OR5V1: variants seen among roughly 807,000 people sequenced by gnomAD.
OR5V1 encodes olfactory receptor family 5 subfamily V member 1.
For synonymous variants in OR5V1, 134 were observed against 143.2 expected, an observed-to-expected ratio of 0.94 and a Z score of 0.46; for missense variants, 365 against 371.5, an observed-to-expected ratio of 0.98 and a Z score of 0.14.
chr6:29,367,813 A>T (rs1778926142), intron 1 of OR5V1, among the ~76,000 whole-genome samples: 1 of 152,208 alleles, frequency 6.6e-6, no homozygotes, highest in Admixed American at 6.5e-5. Flanking sequence ...AAGCACAAGT[A>T]TTTCACACAG....
At position 29,355,857 on chromosome 6, in the gene OR5V1, G is replaced by T; in HGVS notation, c.339C>A (p.Leu113=). The stretch of plus-strand genomic sequence containing the variant: ...GATCATATGCCATTGCTGCCAGTAG[G>T]AGACACTCTGATCCTACAAAGAAAA... ...AFVFFVGSEC[L]LLAAMAYDRY... is the part of the protein sequence containing the mutation. Residue 113 remains leucine, a synonymous_variant, in exon 2 of 2, where the codon CTC becomes CTA. Coordinates refer to ENST00000641768, the MANE Select transcript of OR5V1 (RefSeq NM_030876.6). The T allele has an allele frequency of 6.2e-7, 1 of 1,614,002 alleles. No homozygotes were observed. The highest frequency in any genetic ancestry group is 8.5e-7 in the Non-Finnish European group (1 of 1,179,956).
chr6:29,361,569 C>G (rs1778566833), intron 1 of OR5V1, among the ~76,000 whole-genome samples: 1 of 152,100 alleles, frequency 6.6e-6, no homozygotes, highest in Admixed American at 6.5e-5. Context: ...GCCCATCAGA[C>G]TAACAGTGGA....
Position 29,355,232 on chromosome 6 carries a change from A to G in OR5V1, c.964T>C (p.Ter322ArgextTer6). 6.3e-7 allele frequency: 1 copy of G among 1,578,590 alleles called. No homozygotes were observed. ...ISSLDSKLTY* is the reference protein window; with the variant it reads ...ISSLDSKLTYR ...TAAGATTATTGAACCTGTGAGGTTC[A>G]ATAAGTGAGTTTACTATCCAAAGAG... The change falls in exon 2 of 2, where the codon TGA (stop) becomes CGA (arginine). Residue 322 changes from the stop codon to arginine, a stop_lost. Transcript: ENST00000641768.
chr6:29,365,854 C>T (rs754932908), intron 1 of OR5V1, among the ~76,000 whole-genome samples: 9 of 152,214 alleles, frequency 5.9e-5, no homozygotes, highest in East Asian at 5.8e-4. Flanking sequence ...CACATGCATA[C>T]GTAGGTTTAT....
At position 29,355,252 on chromosome 6, in the gene OR5V1, A is replaced by G. The variant is rs1778196743; in HGVS notation, c.944T>C (p.Leu315Ser). 9.4e-6 allele frequency: 15 copies of G among 1,600,550 alleles called. No homozygotes were observed. Among genetic ancestry groups the G allele is most frequent in the Admixed American group, 3.5e-5 (2 of 56,966 alleles). The change falls in exon 2 of 2, where the codon TTG becomes TCG. Residue 315 changes from leucine (L) to serine (S), a missense_variant. Physicochemically the swap from Leu to Ser is moderately radical, Grantham distance 145. Transcript: ENST00000641768. ...GSKWQPPISS[L>S]DSKLTY ...GGTTCAATAAGTGAGTTTACTATCC[A>G]AAGAGGAAATTGGTGGCTGCCACTT...
rs776406914 is a variant in OR5V1, at chr6:29,355,767, T to C, written c.429A>G (p.Gln143=). 19 of 1,613,950 alleles carry C rather than the reference T, an allele frequency of 1.2e-5. No homozygotes were observed. The highest frequency in any genetic ancestry group is 1.6e-4 in the Middle Eastern group (1 of 6,084). The stretch of plus-strand genomic sequence containing the variant: ...CAGCAGCCCAGCATGAGGCTGCTAA[T>C]TGATTGCATAGAACCTTGCTCAGAA... ...SVILSKVLCN[Q]LAASCWAAGF... The change falls in exon 2 of 2, where the codon CAA becomes CAG. Residue 143 remains glutamine (Q), a synonymous_variant. Coordinates refer to ENST00000641768, the MANE Select transcript of OR5V1 (RefSeq NM_030876.6).
intron 1 of OR5V1, among the ~76,000 whole-genome samples, chr6:29,366,032 T>G (rs1162310375): frequency 6.6e-6 from 1 of 152,128 alleles, no homozygotes; most frequent in Non-Finnish European, 1.5e-5. Flanking sequence ...GGAACCATCA[T>G]CCTCAGCAAA....
rs758194993 is a variant in OR5V1, at chr6:29,355,944, G to T, written c.252C>A (p.His84Gln). The change falls in exon 2 of 2, where the codon CAC becomes CAA. Residue 84 changes from histidine to glutamine, a missense_variant. His to Gln is a conservative substitution (Grantham distance 24, BLOSUM62 0). Transcript: ENST00000641768. ...AAATGCTTTTTTTCTTTGAGAGGAG[G>T]TGCACCATCATCTGGGGGACATTGC... The part of the protein sequence containing the change: ...TTSNVPQMMV[H>Q]LLSKKKSISY... The T allele has an allele frequency of 6.2e-7, 1 of 1,614,032 alleles. No homozygotes were observed. Among genetic ancestry groups the T allele is most frequent in the South Asian group, 1.1e-5 (1 of 91,078 alleles).
chr6:29,355,605 C>G lies in OR5V1; in HGVS notation c.591G>C (p.Leu197Phe). The change falls in exon 2 of 2, where the codon TTG (leucine) becomes TTC (phenylalanine). Residue 197 changes from leucine (L) to phenylalanine (F), a missense_variant. Coordinates refer to ENST00000641768, the MANE Select transcript of OR5V1 (RefSeq NM_030876.6). ...TGAAGACCCCAGTGGATAGCAGTGCCAACTCATTGACAGAAGTGTTTCCAC... is the reference window on the plus strand; with the variant it reads ...TGAAGACCCCAGTGGATAGCAGTGCGAACTCATTGACAGAAGTGTTTCCAC... ...LSCGNTSVNELALLSTGVFIG... is the reference protein window; with the variant it reads ...LSCGNTSVNEFALLSTGVFIG... 2 of 1,613,936 alleles carry G rather than the reference C, an allele frequency of 1.2e-6. No homozygotes were observed. Among genetic ancestry groups the G allele is most frequent in the Non-Finnish European group, 1.7e-6 (2 of 1,179,912 alleles).
At chr6:29,362,242 C>G (rs760284239) in intron 1 of OR5V1, among the ~76,000 whole-genome samples, 3 of 152,140 alleles carry the variant, frequency 2.0e-5, no homozygotes, top group Non-Finnish European at 2.9e-5. Flanking sequence ...AGCTAACTAT[C>G]CTAAATACAT....
chr6:29,355,275 C>G lies in OR5V1; in HGVS notation c.921G>C (p.Lys307Asn). 6.2e-7 allele frequency: 1 copy of G among 1,609,804 alleles called. No homozygotes were observed. The highest frequency in any genetic ancestry group is 8.5e-7 in the Non-Finnish European group (1 of 1,178,678). The change falls in exon 2 of 2, where the codon AAG becomes AAC. Residue 307 changes from lysine to asparagine, a missense_variant. By Grantham distance (94) the Lys-to-Asn change is moderately conservative. Coordinates refer to ENST00000641768, the MANE Select transcript of OR5V1 (RefSeq NM_030876.6). ...CCAAAGAGGAAATTGGTGGCTGCCACTTGCTCCCTATAGTTTTGACAGCTT... is the reference window on the plus strand; with the variant it reads ...CCAAAGAGGAAATTGGTGGCTGCCAGTTGCTCCCTATAGTTTTGACAGCTT... ...IKEAVKTIGS[K>N]WQPPISSLDS...
intron 1 of OR5V1, among the ~76,000 whole-genome samples, chr6:29,366,840 G>C (rs963952137): frequency 2.0e-4 from 30 of 152,200 alleles, no homozygotes; most frequent in African/African-American, 6.7e-4. Context: ...AATAGCGAAG[G>C]AGGACACACT....
intron 1 of OR5V1, among the ~76,000 whole-genome samples, chr6:29,366,335 A>AAG: frequency 6.6e-6 from 1 of 151,386 alleles, no homozygotes; most frequent in East Asian, 1.9e-4. Flanking sequence ...TAAAAAAAAA[A>AAG]AAAAAAAAAG....
In OR5V1 at chr6:29,355,754, A is replaced by C. The variant is rs772556388; in HGVS notation, c.442T>G (p.Cys148Gly). The C allele has an allele frequency of 1.2e-6, 2 of 1,613,782 alleles. No individual in the cohort carries two copies. The change falls in exon 2 of 2, where the codon TGC becomes GGC. Residue 148 changes from cysteine (C) to glycine (G), a missense_variant. Physicochemically the swap from Cys to Gly is radical, Grantham distance 159. Transcript: ENST00000641768. The part of the protein sequence containing the change: ...KVLCNQLAAS[C>G]WAAGFLNSVV... ...GAGTTAAGGAAACCAGCAGCCCAGCATGAGGCTGCTAATTGATTGCATAGA... is the reference window on the plus strand; with the variant it reads ...GAGTTAAGGAAACCAGCAGCCCAGCCTGAGGCTGCTAATTGATTGCATAGA...
intron 1 of OR5V1, among the ~76,000 whole-genome samples, chr6:29,364,166 G>C (rs1242081003): frequency 1.3e-5 from 2 of 151,976 alleles, no homozygotes; most frequent in East Asian, 3.9e-4. Context: ...CAAGCAGAAA[G>C]CTGAATCATG....
Position 29,355,511 on chromosome 6 carries a change from G to T in OR5V1, c.685C>A (p.Gln229Lys). Residue 229 changes from glutamine (Q) to lysine (K), a missense_variant, in exon 2 of 2, where the codon CAG (glutamine) becomes AAG (lysine). Transcript: ENST00000641768. ...GCTTTTCGTCTTCCCTCTGAGGACT[G>T]GATCCTCAAGATGGTGGAGATTATG... is the stretch of plus-strand genomic sequence containing the variant. ...ICIISTILRI[Q>K]SSEGRRKAFS... The T allele has an allele frequency of 6.2e-7, 1 of 1,613,794 alleles. No homozygotes were observed. The highest frequency in any genetic ancestry group is 8.5e-7 in the Non-Finnish European group (1 of 1,179,716).
chr6:29,357,061 T>G (rs965485562), intron 1 of OR5V1, among the ~76,000 whole-genome samples: 1 of 152,184 alleles, frequency 6.6e-6, no homozygotes, highest in Non-Finnish European at 1.5e-5. Context: ...GGTTAGGTTA[T>G]CTGAATTTTT....
At chr6:29,362,353 C>T (rs1037105348) in intron 1 of OR5V1, among the ~76,000 whole-genome samples, 1 of 152,108 alleles carries the variant, frequency 6.6e-6, no homozygotes, top group Non-Finnish European at 1.5e-5. Flanking sequence ...CTTTAACACT[C>T]CACTGTCAAT....
rs529517757 is a variant in OR5V1, at chr6:29,357,462, C to A, written c.-82-1185G>T. On this transcript the variant is annotated intron_variant, in intron 1 of 1. Transcript: ENST00000641768. Reference sequence around the variant, plus strand: ...TCCATTAACTTATGACAACAGAATGCCCTTAAAAAACACTTCTCTTGTTTT... The same window carrying A: ...TCCATTAACTTATGACAACAGAATGACCTTAAAAAACACTTCTCTTGTTTT... Among the ~76,000 whole-genome samples, 4 of 152,222 alleles carry A rather than the reference C, an allele frequency of 2.6e-5. No individual in the cohort carries two copies. The East Asian group carries it at 7.7e-4, about 29-fold the overall frequency.
Sources: gnomAD v4.1 joint callset for allele counts (sites outside exome capture counted in the v4.1 genomes callset) on GRCh38, gnomAD v4.1.1 for gene constraint, MANE v1.5 for transcripts, NCBI Gene and HGNC (gene_info 2026-07-23, HGNC 2026-07-21) for gene names.